RIMS3: variants seen among roughly 807,000 people sequenced by gnomAD.
The protein encoded by RIMS3 is regulating synaptic membrane exocytosis 3.
In RIMS3, 15 loss-of-function variants were observed where a neutral mutation model predicts 29.2. The observed-to-expected ratio is 0.51, with a 90% CI of 0.34 to 0.79. RIMS3 has a LOEUF of 0.79. Among genes scored for constraint, RIMS3 ranks in the 30% least tolerant of loss-of-function variants. The pLI, the probability that RIMS3 is intolerant of heterozygous loss-of-function variation, is 0.01. For missense variants in RIMS3, 342 were observed against 421.4 expected, an observed-to-expected ratio of 0.81 and a Z score of 1.65; for synonymous variants, 161 against 170.1, an observed-to-expected ratio of 0.95 and a Z score of 0.41.
chr1:40,680,339 T>G, the RIMS3 span, among the ~76,000 whole-genome samples: 2 of 150,714 alleles, frequency 1.3e-5, no homozygotes, highest in Admixed American at 6.6e-5. Flanking sequence ...AGTTTTTTTT[T>G]TTTTTTTTTT....
chr1:40,663,747 C>CCCTGGG (rs1642385619), intron 1 of RIMS3, among the ~76,000 whole-genome samples: 1 of 152,192 alleles, frequency 6.6e-6, no homozygotes, highest in Admixed American at 6.5e-5. Flanking sequence ...GACAGTGACA[C>CCCTGGG]AGACCACATG....
chr1:40,627,152 C>A (rs749936777), intron 7 of RIMS3, among the ~76,000 whole-genome samples: 2 of 152,194 alleles, frequency 1.3e-5, no homozygotes, highest in Non-Finnish European at 1.5e-5. Context: ...TTGGCCATAG[C>A]TCTAGCTGTG....
intron 2 of RIMS3, among the ~76,000 whole-genome samples, chr1:40,642,231 A>G (rs754952535): frequency 3.3e-4 from 50 of 152,210 alleles, no homozygotes; most frequent in Non-Finnish European, 6.6e-4. Context: ...CTTGAATTCC[A>G]AAGGCCTCTA....
chr1:40,664,598 G>A (rs1642398423), intron 1 of RIMS3, among the ~76,000 whole-genome samples: 2 of 152,162 alleles, frequency 1.3e-5, no homozygotes, highest in Admixed American at 1.3e-4. Context: ...AAGTGGCAGT[G>A]CCAGCCAATG....
intron 2 of RIMS3, among the ~76,000 whole-genome samples, chr1:40,646,251 A>C (rs1387872774): frequency 1.3e-5 from 2 of 152,118 alleles, no homozygotes; most frequent in Non-Finnish European, 2.9e-5. Flanking sequence ...CTAGCTCAGG[A>C]AAGACATGCC....
At chr1:40,643,236 A>G (rs1470866606) in intron 2 of RIMS3, among the ~76,000 whole-genome samples, 6 of 151,786 alleles carry the variant, frequency 4.0e-5, no homozygotes, top group Non-Finnish European at 7.4e-5. Context: ...GATCCAAGCA[A>G]TTCTCCTGCC....
intron 2 of RIMS3, among the ~76,000 whole-genome samples, chr1:40,642,955 CA>C (rs60193626): frequency 0.14 from 20,594 of 143,924 alleles, 1,578 homozygotes; most frequent in African/African-American, 0.21. Flanking sequence ...GACTCTGTCT[CA>C]AAAAAAAAAA....
chr1:40,691,734 C>T, the RIMS3 span: 100 of 455,312 alleles, frequency 2.2e-4, no homozygotes, highest in South Asian at 1.5e-3. Context: ...CTTGCTTGTG[C>T]CCCCGCTTCG....
At chr1:40,691,644 C>G in the RIMS3 span, 8 of 431,602 alleles carry the variant, frequency 1.9e-5, no homozygotes, top group Non-Finnish European at 3.7e-5. Context: ...AGCTTCTGCG[C>G]ACCGCACGAT....
At chr1:40,644,790 GT>G (rs1031510390) in intron 2 of RIMS3, among the ~76,000 whole-genome samples, 26 of 152,230 alleles carry the variant, frequency 1.7e-4, no homozygotes, top group African/African-American at 6.3e-4. Flanking sequence ...GCCCACAGTG[GT>G]TTTCCTGGGG....
At position 40,624,554 on chromosome 1, in the gene RIMS3, A is replaced by G. The variant is rs978642576; in HGVS notation, c.*1963T>C. On this transcript the variant is annotated 3_prime_UTR_variant, in exon 8 of 8. Coordinates refer to ENST00000372684, the MANE Select transcript of RIMS3 (RefSeq NM_014747.3). ...CCCAATGGTCCCTTTCTCTGATAAT[A>G]TAAGAATAGAGGCTCAGGCAGAGAT... 6.6e-6 allele frequency: 1 copy of G among 152,174 alleles called. No homozygotes were observed. Among genetic ancestry groups the G allele is most frequent in the African/African-American group, 2.4e-5 (1 of 41,428 alleles). The allele number at this position is 152,174 out of a possible 1,614,324, so 9.4% of individuals were successfully genotyped here.
At chr1:40,645,757 C>G (rs956905311) in intron 2 of RIMS3, among the ~76,000 whole-genome samples, 1 of 152,216 alleles carries the variant, frequency 6.6e-6, no homozygotes, top group South Asian at 2.1e-4. Flanking sequence ...AATTCCTGAC[C>G]CTGCCAACCC....
chr1:40,662,620 C>T (rs1270558976), intron 1 of RIMS3, among the ~76,000 whole-genome samples: 1 of 152,150 alleles, frequency 6.6e-6, no homozygotes, highest in African/African-American at 2.4e-5. Flanking sequence ...TTCACTCCTC[C>T]CGGACCCTCC....
At chr1:40,641,553 A>G (rs1646557628) in intron 3 of RIMS3, among the ~76,000 whole-genome samples, 156 bp downstream of exon 3, 1 of 152,164 alleles carries the variant, frequency 6.6e-6, no homozygotes, top group African/African-American at 2.4e-5. Flanking sequence ...CAGTCCATAC[A>G]CCTACTGGAC....
chr1:40,683,304 C>T, the RIMS3 span, among the ~76,000 whole-genome samples: 2 of 152,286 alleles, frequency 1.3e-5, no homozygotes, highest in South Asian at 4.1e-4. Flanking sequence ...ATTTTAACAA[C>T]GTTGAGAAGT....
intron 3 of RIMS3, among the ~76,000 whole-genome samples, chr1:40,639,695 A>G (rs1304157210): frequency 2.0e-5 from 3 of 152,140 alleles, no homozygotes; most frequent in African/African-American, 7.2e-5. Context: ...CAGGGGATGG[A>G]TCTGAACTTG....
chr1:40,671,212 A>G, the RIMS3 span, among the ~76,000 whole-genome samples: 1 of 152,200 alleles, frequency 6.6e-6, no homozygotes, highest in Non-Finnish European at 1.5e-5. Flanking sequence ...GTTCTTCACC[A>G]AGACAGGGAA....
rs1382262574 is a variant in RIMS3, at chr1:40,654,469, A to G, written c.-206-6627T>C. Among the ~76,000 whole-genome samples the G allele has an allele frequency of 6.6e-6, 1 of 152,170 alleles. No homozygotes were observed. Among genetic ancestry groups the G allele is most frequent in the Non-Finnish European group, 1.5e-5 (1 of 68,020 alleles). On this transcript the variant is annotated intron_variant, in intron 1 of 7. Transcript: ENST00000372684. This position sits in a 1 kb window ranked among gnomAD's most constrained non-coding sequence, Gnocchi z 5.3. Reference sequence around the variant, plus strand: ...CGCCACAGAGCGAGATGCACGCTGTACAAAGAAGATGACGTACACAAAACA... The same window carrying G: ...CGCCACAGAGCGAGATGCACGCTGTGCAAAGAAGATGACGTACACAAAACA...
chr1:40,656,783 C>CAA (rs57983058), intron 1 of RIMS3, among the ~76,000 whole-genome samples: 13,904 of 73,068 alleles, frequency 0.19, 886 homozygotes, highest in Middle Eastern at 0.26. Context: ...AACTCCGTCT[C>CAA]AAAAAAAAAA....
Sources: gnomAD v4.1 joint callset for allele counts (sites outside exome capture counted in the v4.1 genomes callset) on GRCh38, gnomAD v4.1.1 for gene constraint, Gnocchi (gnomAD v3.1) non-coding constraint, MANE v1.5 for transcripts, NCBI Gene and HGNC (gene_info 2026-07-23, HGNC 2026-07-21) for gene names.